Variants in PSMD3 observed in about 807,000 individuals in gnomAD.
PSMD3 encodes proteasome 26S subunit, non-ATPase 3.
PSMD3 carries 5 observed loss-of-function variants against 62.8 expected under a neutral mutation model. The observed-to-expected ratio is 0.08, with a 90% confidence interval of 0.04 to 0.17. PSMD3 has a LOEUF of 0.17. Among genes scored for constraint, PSMD3 ranks in the 10% least tolerant of loss-of-function variants. PSMD3 has a pLI of 1.00. For synonymous variants in PSMD3, 265 were observed against 283.9 expected, an observed-to-expected ratio of 0.93 and a Z score of 0.67; for missense variants, 524 against 713.6, an observed-to-expected ratio of 0.73 and a Z score of 3.03.
intron 6 of PSMD3, among the ~76,000 whole-genome samples, chr17:39,991,174 G>T (rs925947355): frequency 3.3e-5 from 5 of 151,290 alleles, no homozygotes; most frequent in Non-Finnish European, 7.4e-5. Flanking sequence ...TCTTTTTTTT[G>T]AAACGGAGTC....
chr17:39,997,349 A>G lies in PSMD3; in HGVS notation c.1496A>G (p.Lys499Arg), dbSNP rs772377036. Residue 499 changes from lysine (K) to arginine (R), a missense_variant, in exon 11 of 12, where the codon AAA becomes AGA. Lys to Arg is a conservative substitution (Grantham distance 26, BLOSUM62 2). Coordinates refer to ENST00000264639, the MANE Select transcript of PSMD3 (RefSeq NM_002809.4). ...MSVKAMRFPP[K>R]SYNKDLESAE... ...CCCCAGGCCATGAGGTTTCCTCCCA[A>G]ATCGTACAACAAGGACTTGGAGTCT... is the stretch of plus-strand genomic sequence containing the variant. The G allele has an allele frequency of 2.5e-6, 4 of 1,614,132 alleles. No individual in the cohort carries two copies. The highest frequency in any genetic ancestry group is 1.6e-4 in the Middle Eastern group (1 of 6,062).
At chr17:39,993,709 C>G (rs1568138788) in intron 6 of PSMD3, 1 of 152,312 alleles carries the variant, frequency 6.6e-6, no homozygotes, top group Non-Finnish European at 1.5e-5. Flanking sequence ...CTTACATTCA[C>G]TTGCCTTACT....
intron 4 of PSMD3, 79 bp from the exon 5 acceptor site, chr17:39,989,660 T>C (rs1195886437): frequency 7.4e-7 from 1 of 1,358,176 alleles, no homozygotes; most frequent in African/African-American, 1.4e-5. Context: ...TTTTAAGGAA[T>C]TGAGAAAGAG....
chr17:39,994,255 C>G (rs1186226984), intron 6 of PSMD3: 1 of 152,744 alleles, frequency 6.5e-6, no homozygotes, highest in Non-Finnish European at 1.5e-5. Context: ...GTGACACTTG[C>G]TGCCCCACGA....
At chr17:39,982,133 C>T (rs1484648082) in intron 1 of PSMD3, among the ~76,000 whole-genome samples, 1 of 152,152 alleles carries the variant, frequency 6.6e-6, no homozygotes, top group Non-Finnish European at 1.5e-5. Context: ...AAGTTATCCT[C>T]CTAGGTGGTG....
At position 39,984,352 on chromosome 17, in the gene PSMD3, C is replaced by A; in HGVS notation, c.279C>A (p.Phe93Leu). The change falls in exon 2 of 12, where the codon TTC becomes TTA. Residue 93 changes from phenylalanine to leucine, a missense_variant. By Grantham distance (22) the Phe-to-Leu change is conservative. Transcript: ENST00000264639. The stretch of plus-strand genomic sequence containing the variant: ...CGGTTTCAGGCAAGGAGCCGAGATT[C>A]GTGCTGCGGGCCCTGCGGATGCTGC... The part of the protein sequence containing the change: ...EKAVSGKEPR[F>L]VLRALRMLPS... The A allele has an allele frequency of 1.2e-6, 2 of 1,613,766 alleles. No homozygotes were observed. Among genetic ancestry groups the A allele is most frequent in the Non-Finnish European group, 1.7e-6 (2 of 1,180,002 alleles).
chr17:39,997,196 T>A, intron 10 of PSMD3, 134 bp from the exon 11 acceptor site: 2 of 775,142 alleles, frequency 2.6e-6, no homozygotes, highest in Non-Finnish European at 4.5e-6. Flanking sequence ...AGCCCCCCAC[T>A]AGACTAACTG....
Position 39,981,009 on chromosome 17 carries a change from C to A in PSMD3, c.39C>A (p.Asp13Glu). ...GCTCGGCGCGGCGCCGCGGCGCGGA[C>A]AAGGCGAAACCGCCGCCCGGCGGAG... ...QEGSARRRGADKAKPPPGGGE... is the reference protein window; with the variant it reads ...QEGSARRRGAEKAKPPPGGGE... The change falls in exon 1 of 12, where the codon GAC (aspartate) becomes GAA (glutamate). Residue 13 changes from aspartate (D) to glutamate (E), a missense_variant. By Grantham distance (45) the Asp-to-Glu change is conservative (BLOSUM62 2). Around this residue, in one of 4 missense-constraint regions of PSMD3, gnomAD observed 396 missense variants for 475.8 expected, o/e 0.83. Transcript: ENST00000264639. 1 of 1,548,768 alleles carries A rather than the reference C, an allele frequency of 6.5e-7. No homozygotes were observed. The highest frequency in any genetic ancestry group is 2.0e-5 in the Admixed American group (1 of 50,650).
chr17:39,993,835 T>C (rs1052573354), intron 6 of PSMD3: 6 of 152,152 alleles, frequency 3.9e-5, no homozygotes, highest in African/African-American at 1.4e-4. Flanking sequence ...TTATTGTTAT[T>C]TGGTAGTTTT....
intron 3 of PSMD3, among the ~76,000 whole-genome samples, chr17:39,988,409 ACTTC>A (rs1225922161): frequency 6.6e-6 from 1 of 152,114 alleles, no homozygotes; most frequent in Non-Finnish European, 1.5e-5. Context: ...GTGTGTCAGT[ACTTC>A]CTTCCTTTTT....
At position 39,997,568 on chromosome 17, in the gene PSMD3, A is replaced by G. The variant is rs750281059; in HGVS notation, c.1592A>G (p.Asp531Gly). ...FAKEMAEDDD[D>G]SFP is the part of the protein sequence containing the mutation. ...AAGGAGATGGCAGAAGATGATGATG[A>G]CAGCTTCCCTTGAGCTGGGGGGCTG... Residue 531 changes from aspartate (D) to glycine (G), a missense_variant, in exon 12 of 12, where the codon GAC becomes GGC. This residue lies in a region of PSMD3 where 20 missense variants were observed against 55.1 expected (regional missense o/e 0.36). Coordinates refer to ENST00000264639, the MANE Select transcript of PSMD3 (RefSeq NM_002809.4). 1 of 1,605,940 alleles carries G rather than the reference A, an allele frequency of 6.2e-7. No individual in the cohort carries two copies. Among genetic ancestry groups the G allele is most frequent in the Non-Finnish European group, 8.5e-7 (1 of 1,174,826 alleles).
chr17:39,996,247 A>G lies in PSMD3; in HGVS notation c.1385A>G (p.Glu462Gly). 1 of 1,614,000 alleles carries G rather than the reference A, an allele frequency of 6.2e-7. No individual in the cohort carries two copies. Among genetic ancestry groups the G allele is most frequent in the Non-Finnish European group, 8.5e-7 (1 of 1,180,008 alleles). ...GAGAAGGGCTATGTCCAATCCAAGG[A>G]GATGATTGACATCTATTCCACCCGA... Reference protein sequence around the residue: ...NHEKGYVQSKEMIDIYSTREP... With the variant: ...NHEKGYVQSKGMIDIYSTREP... Residue 462 changes from glutamate to glycine, a missense_variant, in exon 10 of 12, where the codon GAG (glutamate) becomes GGG (glycine). Coordinates refer to ENST00000264639, the MANE Select transcript of PSMD3 (RefSeq NM_002809.4). The surrounding 1 kb of genome is among the most constrained non-coding windows in gnomAD (Gnocchi z 5.1).
In PSMD3 at chr17:39,996,363, C is replaced by A; in HGVS notation, c.1476+25C>A. 6.2e-7 allele frequency: 1 copy of A among 1,608,364 alleles called. No homozygotes were observed. The highest frequency in any genetic ancestry group is 1.1e-5 in the South Asian group (1 of 90,660). On this transcript the variant is annotated intron_variant, in intron 10 of 11. Coordinates refer to ENST00000264639, the MANE Select transcript of PSMD3 (RefSeq NM_002809.4). The surrounding 1 kb of genome is among the most constrained non-coding windows in gnomAD (Gnocchi z 5.1). The stretch of plus-strand genomic sequence containing the variant: ...GGTGAGAAGCCCGTGGCTGCAGAGT[C>A]ACGCCTGGCAGCAGCACACCCCTCC...
intron 4 of PSMD3, 143 bp from the exon 5 acceptor site, chr17:39,989,596 A>G: frequency 1.3e-6 from 1 of 787,900 alleles, no homozygotes; most frequent in Non-Finnish European, 2.0e-6. Context: ...CACCTTAGGC[A>G]CTCGATAGTT....
At chr17:39,991,280 G>A (rs141472949) in intron 6 of PSMD3, among the ~76,000 whole-genome samples, 2,120 of 151,812 alleles carry the variant, frequency 0.014, 43 homozygotes, top group African/African-American at 0.049. Context: ...TCAGCCTCCC[G>A]AGTAACTGGG....
chr17:39,987,082 C>T (rs1598312405), intron 3 of PSMD3, among the ~76,000 whole-genome samples: 1 of 152,222 alleles, frequency 6.6e-6, no homozygotes, highest in African/African-American at 2.4e-5. Context: ...GCCTACCTTA[C>T]AAGATGGTTA....
rs889492075 is a variant in PSMD3 at position 39,997,667 on chromosome 17, T to A, written c.*86T>A. ...CCTGCCCAGGGCACTGTCCCCATTTTCCCACACACAGCTCATATGCTGCAT... is the reference window on the plus strand; with the variant it reads ...CCTGCCCAGGGCACTGTCCCCATTTACCCACACACAGCTCATATGCTGCAT... On this transcript the variant is annotated 3_prime_UTR_variant, in exon 12 of 12. Transcript: ENST00000264639. 1.1e-5 allele frequency: 16 copies of A among 1,449,910 alleles called. No homozygotes were observed. The highest frequency in any genetic ancestry group is 7.1e-5 in the East Asian group (3 of 42,460). 89.8% of individuals were successfully genotyped at this position (1,449,910 alleles called of 1,614,324 possible). A position where few individuals can be genotyped will look rare whatever the true frequency, so the allele number is the denominator to read the frequency against.
At chr17:39,994,911 A>G (rs1163635038) in intron 6 of PSMD3, 43 bp from the exon 7 acceptor site, 4 of 1,564,872 alleles carry the variant, frequency 2.6e-6, no homozygotes, top group South Asian at 1.1e-5. Flanking sequence ...TCTTCCGCCC[A>G]TGGGGCTCCC....
At chr17:39,990,280 CTT>C in intron 6 of PSMD3, 83 bp downstream of exon 6, 1 of 1,230,548 alleles carries the variant, frequency 8.1e-7, no homozygotes, top group South Asian at 1.4e-5. Context: ...CTGGGCTGGT[CTT>C]GAACTCCTGG....
Sources: allele counts gnomAD v4.1 joint callset (sites outside exome capture counted in the v4.1 genomes callset), GRCh38; gene constraint gnomAD v4.1.1; regional missense constraint gnomAD v4.1.1; non-coding constraint Gnocchi (gnomAD v3.1); transcripts MANE v1.5; gene names NCBI Gene and HGNC (gene_info 2026-07-23, HGNC 2026-07-21).